Variants in KCNAB1 observed in about 807,000 individuals in gnomAD.
KCNAB1 encodes voltage-gated potassium channel subunit beta-1.
Under a neutral mutation model 64.6 loss-of-function variants are expected in KCNAB1, and 35 were observed. That is an observed-to-expected ratio of 0.54 (90% CI 0.41 to 0.72). The LOEUF (loss-of-function observed/expected upper bound fraction) is 0.72. Ranked by LOEUF, KCNAB1 falls within the 30% of genes least tolerant of loss-of-function variation. The pLI, the probability that KCNAB1 is intolerant of heterozygous loss-of-function variation, is 0.00. For missense variants in KCNAB1, 401 were observed against 512.9 expected, an observed-to-expected ratio of 0.78 and a Z score of 2.11; for synonymous variants, 177 against 183.8, an observed-to-expected ratio of 0.96 and a Z score of 0.30.
At chr3:156,469,151 G>A (rs1212094293) in intron 7 of KCNAB1, among the ~76,000 whole-genome samples, 1 of 151,686 alleles carries the variant, frequency 6.6e-6, no homozygotes, top group Non-Finnish European at 1.5e-5. Flanking sequence ...AAAGAATGGA[G>A]AAGGTCTGCT....
At chr3:156,167,985 T>C (rs1711710225) in intron 1 of KCNAB1, among the ~76,000 whole-genome samples, 1 of 152,140 alleles carries the variant, frequency 6.6e-6, no homozygotes, top group Non-Finnish European at 1.5e-5. Flanking sequence ...GATGGATTGC[T>C]TAAGCTCAGG....
intron 2 of KCNAB1, among the ~76,000 whole-genome samples, chr3:156,438,894 G>T (rs1716783203): frequency 1.3e-5 from 2 of 152,084 alleles, no homozygotes; most frequent in African/African-American, 4.8e-5. Flanking sequence ...TGTGCCTATA[G>T]TTCCAGCTAC....
At position 156,366,266 on chromosome 3, in the gene KCNAB1, C is replaced by T. The variant is rs188824720; in HGVS notation, c.276-55350C>T. Among the ~76,000 whole-genome samples the T allele has an allele frequency of 2.6e-5, 4 of 152,210 alleles. No homozygotes were observed. The East Asian group carries it at 7.7e-4, about 29-fold the overall frequency. On this transcript the variant is annotated intron_variant, in intron 1 of 13. Transcript: ENST00000490337. ...AATGATGGGATGAAAAAAGAGTGAACTTTGAATAACTGAACATATGGAAGG... is the reference window on the plus strand; with the variant it reads ...AATGATGGGATGAAAAAAGAGTGAATTTTGAATAACTGAACATATGGAAGG...
intron 13 of KCNAB1, among the ~76,000 whole-genome samples, chr3:156,533,086 A>G (rs78315124): frequency 0.12 from 18,713 of 152,242 alleles, 1,205 homozygotes; most frequent in East Asian, 0.21. Context: ...AGGAAAGAAG[A>G]AAAACACTGT....
chr3:156,364,232 T>C (rs1245729752), intron 1 of KCNAB1, among the ~76,000 whole-genome samples: 1 of 152,222 alleles, frequency 6.6e-6, no homozygotes, highest in Non-Finnish European at 1.5e-5. Context: ...CATAGACCTT[T>C]ACTCTCTCAG....
intron 1 of KCNAB1, among the ~76,000 whole-genome samples, chr3:156,411,098 G>C (rs540176361): frequency 1.3e-5 from 2 of 152,196 alleles, no homozygotes; most frequent in African/African-American, 4.8e-5. Flanking sequence ...CTGTATCTTT[G>C]CCAGTACTTA....
intron 1 of KCNAB1, among the ~76,000 whole-genome samples, chr3:156,299,474 C>A (rs562311042): frequency 6.6e-6 from 1 of 152,168 alleles, no homozygotes; most frequent in African/African-American, 2.4e-5. Flanking sequence ...AAAGCACAGG[C>A]TTCTCAGGAA....
intron 1 of KCNAB1, among the ~76,000 whole-genome samples, chr3:156,322,724 A>T (rs1468679966): frequency 6.6e-6 from 1 of 152,216 alleles, no homozygotes; most frequent in Non-Finnish European, 1.5e-5. Flanking sequence ...TTATTCCTTT[A>T]CCTGCTTCTG....
intron 1 of KCNAB1, among the ~76,000 whole-genome samples, chr3:156,249,081 T>C (rs1717649829): frequency 6.6e-6 from 1 of 152,074 alleles, no homozygotes; most frequent in Admixed American, 6.6e-5. Context: ...ACTCAGTTGA[T>C]TCTGATGCAC....
intron 1 of KCNAB1, among the ~76,000 whole-genome samples, chr3:156,234,803 G>A (rs1716754887): frequency 6.6e-6 from 1 of 152,144 alleles, no homozygotes; most frequent in Non-Finnish European, 1.5e-5. Context: ...TGTATACAGA[G>A]TTAATGTTTC....
In KCNAB1 at chr3:156,474,817, G is replaced by C; in HGVS notation, c.655G>C (p.Glu219Gln). ...TCGACCGGACAGTAACACTCCCATG[G>C]AAGGTAAGTTAAGAAAGCTAATAAA... ...ANRPDSNTPM[E>Q]EIVRAMTHVI... Residue 219 changes from glutamate to glutamine, a missense_variant, in exon 8 of 14, where the codon GAA (glutamate) becomes CAA (glutamine). Coordinates refer to ENST00000490337, the MANE Select transcript of KCNAB1 (RefSeq NM_172160.3). 6.2e-7 allele frequency: 1 copy of C among 1,610,754 alleles called. No homozygotes were observed. The highest frequency in any genetic ancestry group is 8.5e-7 in the Non-Finnish European group (1 of 1,177,182).
At chr3:156,487,248 T>C (rs1276112519) in intron 8 of KCNAB1, among the ~76,000 whole-genome samples, 1 of 152,096 alleles carries the variant, frequency 6.6e-6, no homozygotes, top group Non-Finnish European at 1.5e-5. Flanking sequence ...TGTATAAAAT[T>C]CATACATTAT....
intron 1 of KCNAB1, among the ~76,000 whole-genome samples, chr3:156,385,615 TAA>T (rs1712528887): frequency 6.6e-6 from 1 of 152,182 alleles, no homozygotes; most frequent in African/African-American, 2.4e-5. Context: ...TAAATTATAC[TAA>T]GAGAAACTTT....
At chr3:156,372,899 C>T (rs149024529) in intron 1 of KCNAB1, among the ~76,000 whole-genome samples, 165 of 152,334 alleles carry the variant, frequency 1.1e-3, no homozygotes, top group African/African-American at 3.8e-3. Flanking sequence ...CTTAGGGCTA[C>T]AGCCTCTCTC....
chr3:156,331,007 C>T (rs1434439902), intron 1 of KCNAB1, among the ~76,000 whole-genome samples: 2 of 152,150 alleles, frequency 1.3e-5, no homozygotes, highest in Non-Finnish European at 2.9e-5. Flanking sequence ...GAACCTCCTT[C>T]TCATCCTGAG....
At chr3:156,143,423 A>G in intron 1 of KCNAB1, 1 of 1,551,406 alleles carries the variant, frequency 6.4e-7, no homozygotes. Flanking sequence ...GCATACAGGT[A>G]CTGCTGATTG....
intron 1 of KCNAB1, among the ~76,000 whole-genome samples, chr3:156,159,264 A>G (rs1276198508): frequency 2.0e-5 from 3 of 152,148 alleles, no homozygotes; most frequent in Non-Finnish European, 4.4e-5. Flanking sequence ...TTCTTGCTCT[A>G]AAACTCTGAC....
chr3:156,184,379 C>A (rs1232780472), intron 1 of KCNAB1, among the ~76,000 whole-genome samples: 1 of 152,166 alleles, frequency 6.6e-6, no homozygotes, highest in Non-Finnish European at 1.5e-5. Context: ...TTCTGTCCAG[C>A]TCTGTTTTGG....
chr3:156,295,127 A>C (rs1260680746), intron 1 of KCNAB1, among the ~76,000 whole-genome samples: 1 of 152,196 alleles, frequency 6.6e-6, no homozygotes, highest in Non-Finnish European at 1.5e-5. Flanking sequence ...TATTCCTATG[A>C]AGTTATTTTT....
Sources: allele counts gnomAD v4.1 joint callset (sites outside exome capture counted in the v4.1 genomes callset), GRCh38; gene constraint gnomAD v4.1.1; transcripts MANE v1.5; gene names NCBI Gene and HGNC (gene_info 2026-07-23, HGNC 2026-07-21).